UBAC2: variants seen among roughly 807,000 people sequenced by gnomAD.
The protein encoded by UBAC2 is UBA domain containing 2.
UBAC2 carries 26 observed loss-of-function variants against 44.0 expected under a neutral mutation model. That is an observed-to-expected ratio of 0.59 (90% CI 0.43 to 0.82). UBAC2 has a LOEUF of 0.82. UBAC2 is among the 40% of genes least tolerant of loss of function. The pLI is 0.00. For missense variants in UBAC2, 329 were observed against 419.4 expected (o/e 0.78, Z 1.88); for synonymous variants, 155 against 154.3 (o/e 1.00, Z -0.04).
intron 6 of UBAC2, among the ~76,000 whole-genome samples, chr13:99,321,974 T>C (rs749765725): frequency 7.2e-5 from 11 of 152,244 alleles, no homozygotes; most frequent in Non-Finnish European, 1.0e-4. Context: ...ACATGTATCA[T>C]TGATAAATGT....
At position 99,200,942 on chromosome 13, in the gene UBAC2, G is replaced by A; in HGVS notation, c.31+3G>A. 1 of 1,308,262 alleles carries A rather than the reference G, an allele frequency of 7.6e-7. No individual in the cohort carries two copies. Among genetic ancestry groups the A allele is most frequent in the Non-Finnish European group, 9.8e-7 (1 of 1,020,420 alleles). 81.0% of individuals were successfully genotyped at this position (1,308,262 alleles called of 1,614,324 possible). ...CAGCACCGGCTCCAGTGGGCTCTGT[G>A]AGTACCGGCCTCCGCCATCCTGGCT... On this transcript the variant is annotated splice_donor_region_variant and intron_variant, in intron 1 of 8. Transcript: ENST00000403766.
rs1270091982 is a variant in UBAC2 at position 99,296,475 on chromosome 13, G to A, written c.390-17622G>A. On this transcript the variant is annotated intron_variant, in intron 4 of 8. Coordinates refer to ENST00000403766, the MANE Select transcript of UBAC2 (RefSeq NM_001144072.2). The stretch of plus-strand genomic sequence containing the variant: ...ACGCACTTTTGTGACAGAAGGGAAT[G>A]CACTAAATTTTTAGGCAGAAATTCC... Among the ~76,000 whole-genome samples the A allele has an allele frequency of 2.6e-5, 4 of 152,210 alleles. No individual in the cohort carries two copies. The East Asian group carries it at 7.7e-4, about 29-fold the overall frequency.
chr13:99,361,648 C>T (rs867019661), intron 7 of UBAC2, among the ~76,000 whole-genome samples: 4 of 152,102 alleles, frequency 2.6e-5, no homozygotes, highest in African/African-American at 7.2e-5. Context: ...TTTGTTATAG[C>T]GGCTGCCCTG....
At chr13:99,273,366 C>T (rs2043842041) in intron 4 of UBAC2, among the ~76,000 whole-genome samples, 1 of 152,190 alleles carries the variant, frequency 6.6e-6, no homozygotes, top group Admixed American at 6.5e-5. Flanking sequence ...AGAGAATCCA[C>T]AGCCACTGCA....
At chr13:99,243,370 C>G (rs1415555487) in intron 2 of UBAC2, among the ~76,000 whole-genome samples, 1 of 151,010 alleles carries the variant, frequency 6.6e-6, no homozygotes, top group Non-Finnish European at 1.5e-5. Context: ...AATTACTTTG[C>G]ATAGTTGCTA....
intron 1 of UBAC2, among the ~76,000 whole-genome samples, chr13:99,208,094 T>A (rs2042895186): frequency 6.6e-6 from 1 of 151,244 alleles, no homozygotes; most frequent in African/African-American, 2.4e-5. Flanking sequence ...GCCTCCTGGG[T>A]TTGAGCAATT....
At chr13:99,215,246 G>T (rs1025067088) in intron 1 of UBAC2, 3 of 648,218 alleles carry the variant, frequency 4.6e-6, no homozygotes, top group Non-Finnish European at 8.5e-6. Flanking sequence ...CTTCCAACTT[G>T]CCCAAATAGA....
intron 8 of UBAC2, among the ~76,000 whole-genome samples, chr13:99,368,582 ATTT>A (rs900196145): frequency 2.0e-5 from 3 of 152,190 alleles, no homozygotes; most frequent in Non-Finnish European, 2.9e-5. Context: ...AACTCGGTTG[ATTT>A]TATTGTGGAA....
In UBAC2 at chr13:99,249,622, T is replaced by A. The variant is rs1320083246; in HGVS notation, c.389+4998T>A. Among the ~76,000 whole-genome samples the A allele has an allele frequency of 3.3e-5, 5 of 152,332 alleles. No homozygotes were observed. The East Asian group carries it at 9.6e-4, about 29-fold the overall frequency. On this transcript the variant is annotated intron_variant, in intron 4 of 8. Coordinates refer to ENST00000403766, the MANE Select transcript of UBAC2 (RefSeq NM_001144072.2). ...GTTCTTTGAGAAATCTCCAAACTGC[T>A]TTCTATAGTGGCTGAACTAATTTAC...
intron 2 of UBAC2, among the ~76,000 whole-genome samples, chr13:99,240,646 A>C (rs971272119): frequency 2.0e-5 from 3 of 152,120 alleles, no homozygotes; most frequent in Admixed American, 6.5e-5. Context: ...GTACTGCCTC[A>C]TTGATCATAT....
intron 7 of UBAC2, among the ~76,000 whole-genome samples, chr13:99,347,254 G>A (rs565254490): frequency 5.3e-4 from 77 of 146,356 alleles, no homozygotes; most frequent in African/African-American, 1.7e-3. Context: ...GGGAGCCTGC[G>A]GAGTAGAATG....
intron 7 of UBAC2, among the ~76,000 whole-genome samples, chr13:99,361,753 A>G (rs978339237): frequency 2.0e-5 from 3 of 152,048 alleles, no homozygotes; most frequent in African/African-American, 7.2e-5. Flanking sequence ...TCACATAACA[A>G]CCAAAACTGT....
intron 4 of UBAC2, among the ~76,000 whole-genome samples, chr13:99,247,586 T>TGGGTAAG (rs1289811024): frequency 6.6e-6 from 1 of 151,908 alleles, no homozygotes; most frequent in East Asian, 1.9e-4. Flanking sequence ...GGGCTGTCTA[T>TGGGTAAG]GGGTAAGGGG....
chr13:99,309,410 C>CT (rs974546358), intron 4 of UBAC2, among the ~76,000 whole-genome samples: 20 of 151,828 alleles, frequency 1.3e-4, no homozygotes, highest in African/African-American at 4.3e-4. Context: ...TGCCCAGCCC[C>CT]TTTTTTTTGA....
intron 4 of UBAC2, among the ~76,000 whole-genome samples, chr13:99,265,088 T>C (rs2043724552): frequency 6.6e-6 from 1 of 152,194 alleles, no homozygotes; most frequent in South Asian, 2.1e-4. Flanking sequence ...CGTGTTGTTT[T>C]TTTCTTGGTA....
At chr13:99,330,676 G>T (rs1396156817) in intron 6 of UBAC2, among the ~76,000 whole-genome samples, 1 of 151,744 alleles carries the variant, frequency 6.6e-6, no homozygotes, top group African/African-American at 2.4e-5. Flanking sequence ...ATACTAGCTA[G>T]GACCTCTAAT....
At chr13:99,228,540 C>G (rs554338503) in intron 1 of UBAC2, among the ~76,000 whole-genome samples, 1 of 152,258 alleles carries the variant, frequency 6.6e-6, no homozygotes, top group East Asian at 1.9e-4. Context: ...GCGATCTGCC[C>G]GACTTGGCCT....
chr13:99,274,336 C>CA (rs2043855428), intron 4 of UBAC2, among the ~76,000 whole-genome samples: 1 of 149,136 alleles, frequency 6.7e-6, no homozygotes, highest in Non-Finnish European at 1.5e-5. Flanking sequence ...CATTCTACTG[C>CA]TTTTTTTTTT....
At chr13:99,338,660 G>A (rs1413545023) in intron 6 of UBAC2, among the ~76,000 whole-genome samples, 1 of 152,058 alleles carries the variant, frequency 6.6e-6, no homozygotes, top group East Asian at 1.9e-4. Flanking sequence ...TGAGTAAAGG[G>A]GCACAGAAAT....
Sources: allele counts gnomAD v4.1 joint callset (sites outside exome capture counted in the v4.1 genomes callset), GRCh38; gene constraint gnomAD v4.1.1; transcripts MANE v1.5; gene names NCBI Gene and HGNC (gene_info 2026-07-23, HGNC 2026-07-21).